The following MDGA2 variants were observed in gnomAD, a reference collection of about 807,000 sequenced individuals.
The protein encoded by MDGA2 is MAM domain-containing glycosylphosphatidylinositol anchor protein 2.
A neutral mutation model predicts 117.8 loss-of-function variants in MDGA2; 40 were observed. The ratio of observed to expected loss-of-function variants is 0.34; its 90% CI spans 0.26 to 0.44. MDGA2 has a LOEUF of 0.44. MDGA2 is among the 20% of genes least tolerant of loss of function. MDGA2 has a pLI of 1.00. For missense variants in MDGA2, 1,123 were observed against 1,250.6 expected, an observed-to-expected ratio of 0.90 and a Z score of 1.54; for synonymous variants, 452 against 439.0, an observed-to-expected ratio of 1.03 and a Z score of -0.37.
intron 8 of MDGA2, among the ~76,000 whole-genome samples, chr14:46,962,581 A>G (rs1449986114): frequency 6.6e-6 from 1 of 152,206 alleles, no homozygotes; most frequent in Non-Finnish European, 1.5e-5. Context: ...TTGACAAAGT[A>G]TTTTTCAAAT....
chr14:47,394,335 T>A (rs1891960574), intron 1 of MDGA2, among the ~76,000 whole-genome samples: 1 of 152,140 alleles, frequency 6.6e-6, no homozygotes, highest in African/African-American at 2.4e-5. Context: ...ACAAAGCTTC[T>A]TGACTTAGAA....
At chr14:47,262,421 T>C (rs1413454980) in intron 2 of MDGA2, among the ~76,000 whole-genome samples, 1 of 152,184 alleles carries the variant, frequency 6.6e-6, no homozygotes, top group Non-Finnish European at 1.5e-5. Context: ...ATATCAAATG[T>C]GTTTAAAGCC....
chr14:47,378,594 A>G (rs935261794), intron 1 of MDGA2, among the ~76,000 whole-genome samples: 1 of 152,210 alleles, frequency 6.6e-6, no homozygotes, highest in Non-Finnish European at 1.5e-5. Context: ...AGCCGATTCG[A>G]TCAAGTGGAA....
At chr14:47,042,570 G>A (rs112642797) in intron 7 of MDGA2, among the ~76,000 whole-genome samples, 91 of 152,232 alleles carry the variant, frequency 6.0e-4, no homozygotes, top group African/African-American at 2.1e-3. Flanking sequence ...CACATTTACA[G>A]ATTGGCTTCA....
intron 11 of MDGA2, among the ~76,000 whole-genome samples, chr14:46,880,778 G>A (rs1474399824): frequency 3.5e-5 from 5 of 140,924 alleles, no homozygotes; most frequent in African/African-American, 1.3e-4. Context: ...CTCCAGCCTG[G>A]GCAACAAAAG....
chr14:47,619,565 C>A (rs1237263750), intron 1 of MDGA2, among the ~76,000 whole-genome samples: 1 of 152,126 alleles, frequency 6.6e-6, no homozygotes, highest in Non-Finnish European at 1.5e-5. Context: ...ACACATCTCT[C>A]CAGCTTTCGG....
chr14:46,964,168 A>G (rs1255659009), intron 8 of MDGA2, among the ~76,000 whole-genome samples: 2 of 152,184 alleles, frequency 1.3e-5, no homozygotes, highest in Non-Finnish European at 2.9e-5. Flanking sequence ...GCCCAGAGAC[A>G]ATATGGAGAA....
intron 8 of MDGA2, among the ~76,000 whole-genome samples, chr14:46,972,665 C>A (rs1244933520): frequency 6.6e-6 from 1 of 152,102 alleles, no homozygotes; most frequent in Non-Finnish European, 1.5e-5. Flanking sequence ...CAAAGCTACA[C>A]AACTCCTACA....
intron 1 of MDGA2, among the ~76,000 whole-genome samples, chr14:47,545,911 C>T (rs770482609): frequency 6.6e-6 from 1 of 152,042 alleles, no homozygotes; most frequent in Non-Finnish European, 1.5e-5. Context: ...ACTTTATGAA[C>T]AGGTTGTATT....
intron 7 of MDGA2, among the ~76,000 whole-genome samples, chr14:47,037,234 T>C (rs1189533924): frequency 6.6e-6 from 1 of 152,230 alleles, no homozygotes; most frequent in Non-Finnish European, 1.5e-5. Flanking sequence ...CCCCCTACTA[T>C]GTGACAGGCA....
At chr14:47,673,673 T>C (rs1898118240) in intron 1 of MDGA2, among the ~76,000 whole-genome samples, 1 of 150,872 alleles carries the variant, frequency 6.6e-6, no homozygotes, top group Non-Finnish European at 1.5e-5. Flanking sequence ...TGTGTGTGCT[T>C]CCATCCTGAA....
chr14:47,085,770 C>T lies in MDGA2; in HGVS notation c.1195+11084G>A, dbSNP rs566129184. 7.6e-4 allele frequency among the ~76,000 whole-genome samples: 115 copies of T among 152,094 alleles called. 2 individuals carry two copies. The highest frequency in any genetic ancestry group is 2.7e-3 in the African/African-American group (112 of 41,508). On this transcript the variant is annotated intron_variant, in intron 6 of 16. Coordinates refer to ENST00000399232, the MANE Select transcript of MDGA2 (RefSeq NM_001113498.3). ...TATTCAGATTCCTAGAAAAACAAAA[C>T]TAAGATGTAAAAATGTTTATTCCTA...
At chr14:47,642,474 T>C (rs975109511) in intron 1 of MDGA2, among the ~76,000 whole-genome samples, 1 of 152,050 alleles carries the variant, frequency 6.6e-6, no homozygotes, top group Non-Finnish European at 1.5e-5. Context: ...TCGAGAGAGC[T>C]TTAGTTCCCA....
intron 2 of MDGA2, among the ~76,000 whole-genome samples, chr14:47,237,264 C>G (rs941041718): frequency 5.3e-5 from 8 of 152,088 alleles, no homozygotes; most frequent in Admixed American, 2.0e-4. Context: ...ATTAAAATCA[C>G]ATTAAGCAAA....
chr14:47,216,926 G>A (rs1222499287), intron 3 of MDGA2, among the ~76,000 whole-genome samples: 5 of 151,948 alleles, frequency 3.3e-5, no homozygotes, highest in Non-Finnish European at 7.4e-5. Flanking sequence ...GAGGGGCAGG[G>A]GGCCTCAGGA....
At chr14:47,282,045 C>T (rs1239448258) in intron 2 of MDGA2, among the ~76,000 whole-genome samples, 1 of 129,506 alleles carries the variant, frequency 7.7e-6, no homozygotes, top group Non-Finnish European at 1.6e-5. Context: ...AGAGCTCCGT[C>T]TCGGGAAAAA....
At chr14:46,883,351 T>A (rs1882539645) in intron 10 of MDGA2, among the ~76,000 whole-genome samples, 1 of 151,998 alleles carries the variant, frequency 6.6e-6, no homozygotes, top group African/African-American at 2.4e-5. Context: ...AAAAACATAT[T>A]TCTACTAGAT....
intron 1 of MDGA2, among the ~76,000 whole-genome samples, chr14:47,560,228 C>T (rs1424406174): frequency 3.3e-5 from 5 of 152,016 alleles, no homozygotes; most frequent in Admixed American, 6.5e-5. Flanking sequence ...CCACCACGCC[C>T]GACTAATTTT....
At chr14:47,504,992 C>A (rs1299948594) in intron 1 of MDGA2, among the ~76,000 whole-genome samples, 1 of 152,128 alleles carries the variant, frequency 6.6e-6, no homozygotes. Context: ...GCTGTATACA[C>A]AATGGACTTA....
Sources: allele counts gnomAD v4.1 joint callset (sites outside exome capture counted in the v4.1 genomes callset), GRCh38; gene constraint gnomAD v4.1.1; transcripts MANE v1.5; gene names NCBI Gene and HGNC (gene_info 2026-07-23, HGNC 2026-07-21).